SOX5: variants seen among roughly 807,000 people sequenced by gnomAD.
The protein encoded by SOX5 is SRY-box transcription factor 5.
Under a neutral mutation model 92.0 loss-of-function variants are expected in SOX5, and 9 were observed. That is an observed-to-expected ratio of 0.10 (90% confidence interval 0.06 to 0.17). The LOEUF (loss-of-function observed/expected upper bound fraction) is 0.17, where lower values mean the gene tolerates loss of function less well. Among genes scored for constraint, SOX5 ranks in the 10% least tolerant of loss-of-function variants. The pLI is 1.00. For synonymous variants in SOX5, 344 were observed against 336.3 expected, an observed-to-expected ratio of 1.02 and a Z score of -0.25; for missense variants, 642 against 944.5, an observed-to-expected ratio of 0.68 and a Z score of 4.20.
chr12:23,700,585 C>G lies in SOX5; in HGVS notation c.810+34099G>C, dbSNP rs534321563. On this transcript the variant is annotated intron_variant, in intron 6 of 14. Coordinates refer to ENST00000451604, the MANE Select transcript of SOX5 (RefSeq NM_006940.6). ...CAAAAGCTGACCATACTCTCCTGGT[C>G]GTGACTCTCAAAAACTCTTTCCCTT... 5.5e-4 allele frequency among the ~76,000 whole-genome samples: 84 copies of G among 151,954 alleles called. 1 individual carries two copies. Among genetic ancestry groups the G allele is most frequent in the Middle Eastern group, 3.4e-3 (1 of 294 alleles).
At chr12:24,460,076 A>C (rs543553512) in intron 1 of SOX5, among the ~76,000 whole-genome samples, 1 of 152,202 alleles carries the variant, frequency 6.6e-6, no homozygotes. Flanking sequence ...TCCAAAGCCT[A>C]TCTGTATTGA....
intron 6 of SOX5, among the ~76,000 whole-genome samples, chr12:23,681,357 A>T (rs2086598844): frequency 6.6e-6 from 1 of 151,972 alleles, no homozygotes; most frequent in South Asian, 2.1e-4. Flanking sequence ...AAATAGACAC[A>T]AAAGGTGATA....
intron 1 of SOX5, among the ~76,000 whole-genome samples, chr12:24,412,628 G>A (rs986659020): frequency 5.9e-5 from 9 of 151,832 alleles, no homozygotes; most frequent in Non-Finnish European, 1.2e-4. Flanking sequence ...TTGATTCCAT[G>A]GTGGTCAAAA....
intron 3 of SOX5, among the ~76,000 whole-genome samples, chr12:23,836,944 A>G (rs2096424182): frequency 6.6e-6 from 1 of 151,710 alleles, no homozygotes; most frequent in Non-Finnish European, 1.5e-5. Flanking sequence ...TGTAGTTTTT[A>G]GAGTATAAGT....
At chr12:23,683,126 G>A (rs2086902139) in intron 6 of SOX5, among the ~76,000 whole-genome samples, 1 of 151,854 alleles carries the variant, frequency 6.6e-6, no homozygotes, top group Non-Finnish European at 1.5e-5. Flanking sequence ...TCTCCAATGT[G>A]ATATGCAAGT....
At chr12:24,102,142 A>G (rs1422731060) in intron 4 of SOX5, among the ~76,000 whole-genome samples, 4 of 152,194 alleles carry the variant, frequency 2.6e-5, no homozygotes, top group African/African-American at 9.6e-5. Context: ...AGTTAGTACA[A>G]TAACACTCAG....
At chr12:23,867,487 G>T (rs2096827410) in intron 2 of SOX5, among the ~76,000 whole-genome samples, 1 of 152,084 alleles carries the variant, frequency 6.6e-6, no homozygotes, top group Non-Finnish European at 1.5e-5. Flanking sequence ...AAGACCTAAT[G>T]CCAAGTTTAA....
chr12:23,988,890 G>A (rs1950297693), intron 4 of SOX5, among the ~76,000 whole-genome samples: 1 of 152,108 alleles, frequency 6.6e-6, no homozygotes, highest in Admixed American at 6.6e-5. Flanking sequence ...CCACTCCAGT[G>A]GGAGACATTC....
At chr12:24,480,561 GA>G (rs375055538) in intron 1 of SOX5, among the ~76,000 whole-genome samples, 3 of 151,580 alleles carry the variant, frequency 2.0e-5, no homozygotes, top group South Asian at 2.1e-4. Context: ...AACTCTATAG[GA>G]AAAAAAATCT....
At chr12:24,134,638 A>G (rs1949953657) in intron 4 of SOX5, among the ~76,000 whole-genome samples, 1 of 152,194 alleles carries the variant, frequency 6.6e-6, no homozygotes, top group African/African-American at 2.4e-5. Context: ...GAAATGGTGA[A>G]AATGTTCTCA....
intron 1 of SOX5, among the ~76,000 whole-genome samples, chr12:24,456,081 C>T (rs1596875073): frequency 6.6e-6 from 1 of 152,176 alleles, no homozygotes; most frequent in African/African-American, 2.4e-5. Flanking sequence ...CTTGCAATCT[C>T]TAACTCAGCA....
At chr12:23,766,942 T>C (rs1202522087) in intron 3 of SOX5, among the ~76,000 whole-genome samples, 2 of 152,114 alleles carry the variant, frequency 1.3e-5, no homozygotes, top group African/African-American at 4.8e-5. Flanking sequence ...TAACCACATA[T>C]TAGAAACACA....
chr12:23,909,928 C>T (rs1159215063), intron 1 of SOX5, among the ~76,000 whole-genome samples: 9 of 152,034 alleles, frequency 5.9e-5, no homozygotes, highest in African/African-American at 2.2e-4. Flanking sequence ...CCAACCTCTA[C>T]TTCCATCCTC....
chr12:23,921,350 T>A lies in SOX5; in HGVS notation c.39-25326A>T, dbSNP rs192218587. Reference sequence around the variant, plus strand: ...GCAAATCATGGCAGCAGTGAAACTATTGCTCTAAGACCTCAAAGTTGATAT... The same window carrying A: ...GCAAATCATGGCAGCAGTGAAACTAATGCTCTAAGACCTCAAAGTTGATAT... On this transcript the variant is annotated intron_variant, in intron 1 of 14. Transcript: ENST00000451604. 1.1e-4 allele frequency among the ~76,000 whole-genome samples: 16 copies of A among 152,070 alleles called. No homozygotes were observed. In the East Asian group the frequency reaches 3.1e-3, roughly 29 times the overall value.
At chr12:23,558,613 T>A (rs984670301) in intron 11 of SOX5, among the ~76,000 whole-genome samples, 10 of 133,872 alleles carry the variant, frequency 7.5e-5, no homozygotes, top group Non-Finnish European at 1.2e-4. Context: ...TACTTTTTTA[T>A]TTTTTTGAGA....
At chr12:24,318,699 G>A (rs1949935693) in intron 2 of SOX5, among the ~76,000 whole-genome samples, 1 of 152,116 alleles carries the variant, frequency 6.6e-6, no homozygotes, top group Non-Finnish European at 1.5e-5. Context: ...TGAACTTGTG[G>A]TGAAGATCAA....
chr12:23,906,958 T>C (rs1331888268), intron 1 of SOX5, among the ~76,000 whole-genome samples: 2 of 151,580 alleles, frequency 1.3e-5, no homozygotes, highest in East Asian at 3.9e-4. Context: ...AAAAAAATAC[T>C]GTGTGAAATG....
chr12:24,216,206 G>A (rs1248896215), intron 3 of SOX5, among the ~76,000 whole-genome samples: 4 of 152,126 alleles, frequency 2.6e-5, no homozygotes, highest in African/African-American at 7.2e-5. Context: ...AATCCCGGCC[G>A]GGCGCGGTGG....
chr12:24,378,117 C>G (rs1448683071), intron 1 of SOX5, among the ~76,000 whole-genome samples: 1 of 152,160 alleles, frequency 6.6e-6, no homozygotes, highest in Non-Finnish European at 1.5e-5. Flanking sequence ...GGTAGAATTC[C>G]TAGCTTCCAG....
Sources: allele counts gnomAD v4.1 joint callset (sites outside exome capture counted in the v4.1 genomes callset), GRCh38; gene constraint gnomAD v4.1.1; transcripts MANE v1.5; gene names NCBI Gene and HGNC (gene_info 2026-07-23, HGNC 2026-07-21).